PISD: variants seen among roughly 807,000 people sequenced by gnomAD.
PISD encodes the protein phosphatidylserine decarboxylase proenzyme, mitochondrial.
Under a neutral mutation model 43.5 loss-of-function variants are expected in PISD, and 31 were observed. The observed-to-expected ratio is 0.71, with a 90% confidence interval of 0.54 to 0.96. The LOEUF (loss-of-function observed/expected upper bound fraction) is 0.96, where lower values mean the gene tolerates loss of function less well. PISD is among the 40% of genes least tolerant of loss of function. The pLI, the probability that PISD is intolerant of heterozygous loss-of-function variation, is 0.00. For missense variants in PISD, 523 were observed against 548.4 expected (o/e 0.95, Z 0.46); for synonymous variants, 259 against 228.7 (o/e 1.13, Z -1.20).
At position 31,619,644 on chromosome 22, in the gene PISD, T is replaced by C. The variant is rs1248272602; in HGVS notation, c.1198A>G (p.Ile400Val). Residue 400 changes from isoleucine (I) to valine (V), a missense_variant, in exon 8 of 8, where the codon ATC becomes GTC. Physicochemically the swap from Ile to Val is conservative, Grantham distance 29. Transcript: ENST00000439502. Reference sequence around the variant, plus strand: ...GAGCCCAGGGCTTCCCCAAAGCGGATTTTCTGTCCTGTTTTCAGCTGGAAA... The same window carrying C: ...GAGCCCAGGGCTTCCCCAAAGCGGACTTTCTGTCCTGTTTTCAGCTGGAAA... ...FNFQLKTGQKIRFGEALGSL is the reference protein window; with the variant it reads ...FNFQLKTGQKVRFGEALGSL 1 of 1,614,142 alleles carries C rather than the reference T, an allele frequency of 6.2e-7. No individual in the cohort carries two copies. Among genetic ancestry groups the C allele is most frequent in the East Asian group, 2.2e-5 (1 of 44,874 alleles).
chr22:31,648,236 G>C lies in PISD; in HGVS notation c.186C>G (p.Phe62Leu), dbSNP rs376600957. 1.1e-4 allele frequency: 178 copies of C among 1,611,622 alleles called. No individual in the cohort carries two copies. Among genetic ancestry groups the C allele is most frequent in the Non-Finnish European group, 1.4e-4 (167 of 1,179,500 alleles). The change falls in exon 3 of 8, where the codon TTC becomes TTG. Residue 62 changes from phenylalanine (F) to leucine (L), a missense_variant. Transcript: ENST00000439502. Reference protein sequence around the residue: ...KIHTAPARTMFLLRPLPILLV... With the variant: ...KIHTAPARTMLLLRPLPILLV... ...ACAGAATGGGCAGGGGACGCAGCAG[G>C]AACATGGTTCGGGCAGGGGCAGTGT...
intron 2 of PISD, 66 bp downstream of exon 2, chr22:31,650,633 T>C: frequency 1.1e-6 from 1 of 897,890 alleles, no homozygotes; most frequent in South Asian, 1.5e-5. Flanking sequence ...CCTATGTTTA[T>C]CCCAATTTAC....
rs201966039 is a variant in PISD at position 31,620,988 on chromosome 22, G to C, written c.844+8C>G. The C allele has an allele frequency of 6.2e-7, 1 of 1,609,600 alleles. No individual in the cohort carries two copies. Among genetic ancestry groups the C allele is most frequent in the Non-Finnish European group, 8.5e-7 (1 of 1,178,110 alleles). On this transcript the variant is annotated splice_region_variant and intron_variant, in intron 6 of 7. Transcript: ENST00000439502. Reference sequence around the variant, plus strand: ...AGGCAGCTCCCCCCACGCTGGCCCCGGGCTGACCTGGGAAGTGGCGCCGGT... The same window carrying C: ...AGGCAGCTCCCCCCACGCTGGCCCCCGGCTGACCTGGGAAGTGGCGCCGGT...
Position 31,630,441 on chromosome 22 carries a change from C to G in PISD, c.322-8556G>C, listed in dbSNP as rs938862005. 1.3e-5 allele frequency: 2 copies of G among 152,632 alleles called. No individual in the cohort carries two copies. The highest frequency in any genetic ancestry group is 4.8e-5 in the African/African-American group (2 of 41,558). The allele number at this position is 152,632 out of a possible 1,614,324, so 9.5% of individuals were successfully genotyped here. A position where few individuals can be genotyped will look rare whatever the true frequency, so the allele number is the denominator to read the frequency against. On this transcript the variant is annotated intron_variant, in intron 3 of 7. Coordinates refer to ENST00000439502, the MANE Select transcript of PISD (RefSeq NM_001326411.2). This position sits in a 1 kb window ranked among gnomAD's most constrained non-coding sequence, Gnocchi z 4.4. ...GCCAATGCCAGCCGGCACCCCCTCA[C>G]TTCCTGCAGCCGCCTCACTGCAGGC...
In PISD at chr22:31,631,047, C is replaced by A. The variant is rs559894227; in HGVS notation, c.322-9162G>T. 1.6e-3 allele frequency among the ~76,000 whole-genome samples: 243 copies of A among 152,368 alleles called. 2 individuals carry two copies. Among genetic ancestry groups the A allele is most frequent in the Non-Finnish European group, 5.4e-4 (37 of 68,028 alleles). Reference sequence around the variant, plus strand: ...CCAAGGCCAGGGAGAAGGGGAAGGGCAGCAGACACCAGCTCTGCTTGGTCA... The same window carrying A: ...CCAAGGCCAGGGAGAAGGGGAAGGGAAGCAGACACCAGCTCTGCTTGGTCA... On this transcript the variant is annotated intron_variant, in intron 3 of 7. Transcript: ENST00000439502.
chr22:31,621,776 A>G lies in PISD; in HGVS notation c.431T>C (p.Ile144Thr), dbSNP rs1056920898. The G allele has an allele frequency of 5.0e-6, 8 of 1,614,082 alleles. No homozygotes were observed. The highest frequency in any genetic ancestry group is 6.8e-6 in the Non-Finnish European group (8 of 1,180,028). ...TTTCATGTTCACCCCAAACGTCCAG[A>G]TGTACAGGCTGTAGACGGGCCTGCG... Reference protein sequence around the residue: ...WLRRPVYSLYIWTFGVNMKEA... With the variant: ...WLRRPVYSLYTWTFGVNMKEA... Residue 144 changes from isoleucine to threonine, a missense_variant, in exon 4 of 8, where the codon ATC becomes ACC. Coordinates refer to ENST00000439502, the MANE Select transcript of PISD (RefSeq NM_001326411.2).
At chr22:31,659,121 T>C (rs2074254264) in intron 1 of PISD, among the ~76,000 whole-genome samples, 2 of 152,310 alleles carry the variant, frequency 1.3e-5, no homozygotes, top group African/African-American at 2.4e-5. Context: ...CCCAAAATGC[T>C]GGGATTACAG....
intron 3 of PISD, chr22:31,623,555 CG>C: frequency 1.0e-6 from 1 of 963,770 alleles, no homozygotes; most frequent in East Asian, 2.7e-5. Context: ...CCTTCCGACC[CG>C]GACCCCCTGA....
At chr22:31,628,019 TGAGGGCAGG>T in intron 3 of PISD, 1 of 985,294 alleles carries the variant, frequency 1.0e-6, no homozygotes, top group Non-Finnish European at 1.2e-6. Context: ...GTGAGCCCAG[TGAGGGCAGG>T]GCGTCCTTGC....
At chr22:31,638,507 A>G (rs536901617) in intron 3 of PISD, 1 of 985,612 alleles carries the variant, frequency 1.0e-6, no homozygotes, top group Non-Finnish European at 1.2e-6. Context: ...GGCCAAGAAG[A>G]CCGGCAGAGA....
intron 3 of PISD, among the ~76,000 whole-genome samples, chr22:31,634,167 G>A (rs1394202008): frequency 1.3e-5 from 2 of 152,188 alleles, no homozygotes; most frequent in Non-Finnish European, 1.5e-5. Flanking sequence ...TGCGGAACAG[G>A]GGTAAAAGGT....
At chr22:31,626,016 G>T (rs1224388945) in intron 3 of PISD, 1 of 1,438,470 alleles carries the variant, frequency 7.0e-7, no homozygotes, top group Non-Finnish European at 9.1e-7. Context: ...GAGGGTCAGG[G>T]CTATTGCAGA....
At position 31,620,631 on chromosome 22, in the gene PISD, C is replaced by T. The variant is rs2072502398; in HGVS notation, c.927G>A (p.Gly309=). ...GTGAGAAGAAGCCATGTTTCCAGTC[C>T]CCCGTCAGGACCACCCGCTCGTTAT... ...FCHNERVVLT[G]DWKHGFFSLT... The change falls in exon 7 of 8, where the codon GGG becomes GGA. Residue 309 remains glycine (G), a synonymous_variant. Coordinates refer to ENST00000439502, the MANE Select transcript of PISD (RefSeq NM_001326411.2). 6.2e-7 allele frequency: 1 copy of T among 1,614,218 alleles called. No individual in the cohort carries two copies. Among genetic ancestry groups the T allele is most frequent in the Non-Finnish European group, 8.5e-7 (1 of 1,180,026 alleles).
intron 1 of PISD, among the ~76,000 whole-genome samples, chr22:31,661,898 T>C (rs1379734949): frequency 6.6e-6 from 1 of 152,188 alleles, no homozygotes; most frequent in Non-Finnish European, 1.5e-5. Flanking sequence ...ATCTGATTTT[T>C]GTCCCTCGTG....
At chr22:31,624,072 TC>T (rs1366534399) in intron 3 of PISD, among the ~76,000 whole-genome samples, 2 of 152,200 alleles carry the variant, frequency 1.3e-5, no homozygotes, top group Non-Finnish European at 2.9e-5. Context: ...CGGACTCATT[TC>T]CCAGGCTCTC....
intron 3 of PISD, among the ~76,000 whole-genome samples, chr22:31,642,605 C>T (rs1412457970): frequency 5.3e-5 from 8 of 149,672 alleles, no homozygotes; most frequent in Non-Finnish European, 1.0e-4. Flanking sequence ...GCATCCTGGC[C>T]AACACGGTGA....
chr22:31,620,187 T>TG (rs2072445342), intron 7 of PISD, among the ~76,000 whole-genome samples: 5 of 152,226 alleles, frequency 3.3e-5, no homozygotes, highest in Admixed American at 3.3e-4. Context: ...GCAGCAGACC[T>TG]GCGAGTGCTG....
At chr22:31,651,929 A>G (rs1240535293) in intron 1 of PISD, among the ~76,000 whole-genome samples, 1 of 152,176 alleles carries the variant, frequency 6.6e-6, no homozygotes, top group East Asian at 1.9e-4. Context: ...TTCAGTTCAG[A>G]TATCACTTCA....
intron 3 of PISD, chr22:31,628,973 T>C (rs2073055511): frequency 2.0e-6 from 2 of 984,920 alleles, no homozygotes; most frequent in Admixed American, 6.2e-5. Context: ...TTGCGCGGAG[T>C]GACCGGCCCT....
Sources: gnomAD v4.1 joint callset for allele counts (sites outside exome capture counted in the v4.1 genomes callset) on GRCh38, gnomAD v4.1.1 for gene constraint, Gnocchi (gnomAD v3.1) non-coding constraint, MANE v1.5 for transcripts, NCBI Gene and HGNC (gene_info 2026-07-23, HGNC 2026-07-21) for gene names.